ZNF804B: variants seen among roughly 807,000 people sequenced by gnomAD.
The protein encoded by ZNF804B is zinc finger 804B.
A neutral mutation model predicts 101.4 loss-of-function variants in ZNF804B; 80 were observed. The observed-to-expected ratio is 0.79, with a 90% CI of 0.66 to 0.95. ZNF804B has a LOEUF of 0.95. ZNF804B is among the 40% of genes least tolerant of loss of function. The pLI is 0.00. For synonymous variants in ZNF804B, 622 were observed against 558.8 expected (o/e 1.11, Z -1.59); for missense variants, 1,673 against 1,561.9 (o/e 1.07, Z -1.20).
At chr7:88,805,327 A>G (rs961504864) in intron 1 of ZNF804B, among the ~76,000 whole-genome samples, 4 of 152,220 alleles carry the variant, frequency 2.6e-5, no homozygotes, top group African/African-American at 7.2e-5. Flanking sequence ...TTTTTATTCC[A>G]TGTAACTAGA....
In ZNF804B at chr7:89,290,991, G is replaced by T. The variant is rs546611461; in HGVS notation, c.250-36353G>T. ...TGGAAGAAATCAAGAGTCTCTAACT[G>T]GTAATCCAGAGAATTTTTCTAGATT... is the stretch of plus-strand genomic sequence containing the variant. On this transcript the variant is annotated intron_variant, in intron 2 of 3. Coordinates refer to ENST00000333190, the MANE Select transcript of ZNF804B (RefSeq NM_181646.5). Among the ~76,000 whole-genome samples the T allele has an allele frequency of 2.6e-5, 4 of 152,186 alleles. No homozygotes were observed. The South Asian group carries it at 6.2e-4, about 24-fold the overall frequency.
At chr7:89,223,665 C>A (rs1157463611) in intron 2 of ZNF804B, among the ~76,000 whole-genome samples, 3 of 150,364 alleles carry the variant, frequency 2.0e-5, no homozygotes, top group African/African-American at 7.3e-5. Flanking sequence ...CTATGGGCAA[C>A]ACAGTGAGAC....
At chr7:89,257,662 A>T (rs1182238231) in intron 2 of ZNF804B, among the ~76,000 whole-genome samples, 1 of 152,176 alleles carries the variant, frequency 6.6e-6, no homozygotes, top group Non-Finnish European at 1.5e-5. Context: ...GGTTTGTTAT[A>T]GAAGTAAATT....
intron 1 of ZNF804B, among the ~76,000 whole-genome samples, chr7:89,194,716 C>A (rs967475190): frequency 6.7e-5 from 10 of 148,900 alleles, no homozygotes; most frequent in African/African-American, 2.5e-4. Flanking sequence ...GTTACTGTAG[C>A]CTTGTAGTAT....
chr7:89,066,796 C>T (rs1789461539), intron 1 of ZNF804B, among the ~76,000 whole-genome samples: 1 of 151,836 alleles, frequency 6.6e-6, no homozygotes, highest in Admixed American at 6.6e-5. Context: ...GAGTTTTGCT[C>T]TTGTTGCCCA....
At chr7:89,044,473 G>T (rs780941571) in intron 1 of ZNF804B, among the ~76,000 whole-genome samples, 8 of 152,194 alleles carry the variant, frequency 5.3e-5, no homozygotes, top group Non-Finnish European at 1.0e-4. Flanking sequence ...CTGGGTAACA[G>T]GCAGAGGTTG....
At chr7:89,172,707 A>G (rs1173924593) in intron 1 of ZNF804B, among the ~76,000 whole-genome samples, 1 of 152,200 alleles carries the variant, frequency 6.6e-6, no homozygotes, top group Non-Finnish European at 1.5e-5. Context: ...AGCAAAATTC[A>G]GGGAATTGTA....
chr7:89,115,560 T>C (rs1477154958), intron 1 of ZNF804B, among the ~76,000 whole-genome samples: 1 of 152,178 alleles, frequency 6.6e-6, no homozygotes, highest in Non-Finnish European at 1.5e-5. Context: ...CACATACATT[T>C]AGGAAAGATA....
At chr7:89,325,544 C>T (rs1311694962) in intron 2 of ZNF804B, among the ~76,000 whole-genome samples, 1 of 151,814 alleles carries the variant, frequency 6.6e-6, no homozygotes. Context: ...GTTAGATAAA[C>T]AATACAGAAT....
At chr7:89,134,707 T>C (rs1790603940) in intron 1 of ZNF804B, among the ~76,000 whole-genome samples, 1 of 152,102 alleles carries the variant, frequency 6.6e-6, no homozygotes, top group Non-Finnish European at 1.5e-5. Context: ...GTGCTTGTCT[T>C]CTTGGTTGAT....
chr7:88,966,963 C>CTT (rs201888421), intron 1 of ZNF804B, among the ~76,000 whole-genome samples: 15 of 141,886 alleles, frequency 1.1e-4, no homozygotes, highest in East Asian at 4.2e-4. Context: ...GAATTCTGGA[C>CTT]TTTTTTTTTT....
At chr7:89,120,657 CA>C (rs10636811) in intron 1 of ZNF804B, among the ~76,000 whole-genome samples, 58 of 103,290 alleles carry the variant, frequency 5.6e-4, no homozygotes, top group East Asian at 2.2e-3. Flanking sequence ...GACTCCGCCT[CA>C]AAAAAAAAAA....
At chr7:89,016,591 G>A (rs950217037) in intron 1 of ZNF804B, among the ~76,000 whole-genome samples, 7 of 149,568 alleles carry the variant, frequency 4.7e-5, no homozygotes, top group East Asian at 2.0e-4. Context: ...TTATTAAATA[G>A]GGAATCCTTT....
intron 1 of ZNF804B, among the ~76,000 whole-genome samples, chr7:89,075,199 G>A (rs1045344077): frequency 1.3e-5 from 2 of 152,198 alleles, no homozygotes; most frequent in African/African-American, 4.8e-5. Context: ...AAGTAATGAG[G>A]AGCCAAATGT....
At chr7:88,947,890 A>G (rs1793160653) in intron 1 of ZNF804B, among the ~76,000 whole-genome samples, 2 of 151,924 alleles carry the variant, frequency 1.3e-5, no homozygotes, top group Non-Finnish European at 1.5e-5. Context: ...CACAGGGGTC[A>G]TGCAACCAAT....
chr7:89,304,417 A>C (rs1790529938), intron 2 of ZNF804B, among the ~76,000 whole-genome samples: 1 of 151,898 alleles, frequency 6.6e-6, no homozygotes, highest in African/African-American at 2.4e-5. Flanking sequence ...ATAGTCTTGA[A>C]TGAAGCCTTC....
chr7:89,273,006 A>G (rs904208282), intron 2 of ZNF804B, among the ~76,000 whole-genome samples: 1 of 152,142 alleles, frequency 6.6e-6, no homozygotes, highest in African/African-American at 2.4e-5. Context: ...CAGTTTTAAA[A>G]ATAAACAGTT....
intron 2 of ZNF804B, among the ~76,000 whole-genome samples, chr7:89,279,278 A>G (rs551817600): frequency 8.2e-4 from 124 of 152,120 alleles, no homozygotes; most frequent in African/African-American, 3.0e-3. Context: ...TTCTAGATAT[A>G]CAATCATGTT....
intron 1 of ZNF804B, among the ~76,000 whole-genome samples, chr7:88,888,385 C>A (rs1178170239): frequency 6.6e-6 from 1 of 152,064 alleles, no homozygotes; most frequent in Non-Finnish European, 1.5e-5. Context: ...GAGGGAGAGT[C>A]TGCCTCAAAA....
Sources: allele counts gnomAD v4.1 joint callset (sites outside exome capture counted in the v4.1 genomes callset), GRCh38; gene constraint gnomAD v4.1.1; transcripts MANE v1.5; gene names NCBI Gene and HGNC (gene_info 2026-07-23, HGNC 2026-07-21).